The following BRAF variants were observed in gnomAD, a reference collection of about 807,000 sequenced individuals.
The protein encoded by BRAF is B-Raf proto-oncogene, serine/threonine kinase.
A neutral mutation model predicts 104.6 loss-of-function variants in BRAF; 16 were observed. The ratio of observed to expected loss-of-function variants is 0.15; its 90% CI spans 0.10 to 0.23. The LOEUF (loss-of-function observed/expected upper bound fraction) is 0.23, where lower values mean the gene tolerates loss of function less well. BRAF is among the 10% of genes least tolerant of loss of function. BRAF has a pLI of 1.00. For synonymous variants in BRAF, 310 were observed against 341.6 expected (o/e 0.91, Z 1.02); for missense variants, 541 against 937.3 (o/e 0.58, Z 5.52).
chr7:140,716,290 C>T (rs2130809682), downstream of BRAF, among the ~76,000 whole-genome samples: 1 of 152,268 alleles, frequency 6.6e-6, no homozygotes, highest in South Asian at 2.1e-4. Flanking sequence ...CATTTGCTTG[C>T]TATGAGTTTG....
intron 7 of BRAF, among the ~76,000 whole-genome samples, chr7:140,798,580 T>A (rs1178014373): frequency 5.7e-5 from 8 of 139,578 alleles, no homozygotes; most frequent in Non-Finnish European, 7.7e-5. Flanking sequence ...TTTTTTTTTT[T>A]AAAGCATGTG....
chr7:140,725,980 C>A lies in BRAF; in HGVS notation c.*514G>T. 1 of 1,066,800 alleles carries A rather than the reference C, an allele frequency of 9.4e-7. No individual in the cohort carries two copies. Among genetic ancestry groups the A allele is most frequent in the Non-Finnish European group, 1.1e-6 (1 of 880,490 alleles). The allele number at this position is 1,066,800 out of a possible 1,614,324, so 66.1% of individuals were successfully genotyped here. On this transcript the variant is annotated 3_prime_UTR_variant, in exon 20 of 20. Coordinates refer to ENST00000644969, the MANE Select transcript of BRAF (RefSeq NM_001374258.1). ...CGCACCACATAGAAAGGGCAAGCTG[C>A]ATTTTTGTTCCATCCCTCAGAAACT...
At chr7:140,855,951 G>C (rs1809731509) in intron 1 of BRAF, among the ~76,000 whole-genome samples, 1 of 151,892 alleles carries the variant, frequency 6.6e-6, no homozygotes, top group Non-Finnish European at 1.5e-5. Flanking sequence ...TTGGGAGATG[G>C]AGGGTGCAGT....
chr7:140,751,869 C>T (rs375216554), intron 16 of BRAF, among the ~76,000 whole-genome samples: 9 of 151,992 alleles, frequency 5.9e-5, no homozygotes, highest in South Asian at 2.1e-4. Context: ...GCAGGGTGCC[C>T]GAAAGTCTTA....
intron 3 of BRAF, among the ~76,000 whole-genome samples, chr7:140,825,903 T>C (rs1390397844): frequency 6.6e-6 from 1 of 152,206 alleles, no homozygotes; most frequent in Non-Finnish European, 1.5e-5. Flanking sequence ...AACTCAGAGA[T>C]TGTGCTTCCC....
At chr7:140,812,759 G>C (rs1171062548) in intron 3 of BRAF, among the ~76,000 whole-genome samples, 1 of 152,108 alleles carries the variant, frequency 6.6e-6, no homozygotes, top group South Asian at 2.1e-4. Context: ...GTGCGAATAA[G>C]ATAAAGGCAA....
Position 140,722,349 on chromosome 7 carries a change from C to G in BRAF, c.*4145G>C, listed in dbSNP as rs188324608. 1 of 1,054,842 alleles carries G rather than the reference C, an allele frequency of 9.5e-7. No individual in the cohort carries two copies. The highest frequency in any genetic ancestry group is 1.1e-6 in the Non-Finnish European group (1 of 872,770). 65.3% of individuals were successfully genotyped at this position (1,054,842 alleles called of 1,614,324 possible). On this transcript the variant is annotated 3_prime_UTR_variant, in exon 20 of 20. Coordinates refer to ENST00000644969, the MANE Select transcript of BRAF (RefSeq NM_001374258.1). ...TGCACTCTAAAAATTATTAACACAG[C>G]TGAGTTAAACCAGAGTGGCTGCTCT...
At chr7:140,749,123 G>T in intron 17 of BRAF, 164 bp downstream of exon 16, 2 of 774,396 alleles carry the variant, frequency 2.6e-6, no homozygotes, top group Non-Finnish European at 4.1e-6. Context: ...AGGACTTAAC[G>T]TGTTGCTATT....
chr7:140,809,051 A>G (rs895984110), intron 3 of BRAF, 56 bp from the exon 4 acceptor site: 4 of 1,416,024 alleles, frequency 2.8e-6, no homozygotes, highest in Non-Finnish European at 4.0e-6. Flanking sequence ...ACATTTTTTC[A>G]TATCATTAAA....
chr7:140,823,703 A>C (rs1805716885), intron 3 of BRAF: 1 of 152,152 alleles, frequency 6.6e-6, no homozygotes, highest in Admixed American at 6.5e-5. Flanking sequence ...ATTATATGGT[A>C]ATTCTATTTT....
downstream of BRAF, among the ~76,000 whole-genome samples, chr7:140,714,896 T>G (rs1271365808): frequency 6.6e-6 from 1 of 152,044 alleles, no homozygotes; most frequent in African/African-American, 2.4e-5. Flanking sequence ...GCGGAACAAG[T>G]AGGAGGAGCC....
At chr7:140,751,292 CAT>C (rs10585256) in intron 16 of BRAF, among the ~76,000 whole-genome samples, 14,805 of 152,168 alleles carry the variant, frequency 0.097, 779 homozygotes, top group South Asian at 0.19. Flanking sequence ...AACTCTCCCA[CAT>C]AGTCAAAAAT....
At chr7:140,748,574 T>C (rs1213856951) in intron 17 of BRAF, among the ~76,000 whole-genome samples, 1 of 152,148 alleles carries the variant, frequency 6.6e-6, no homozygotes, top group Non-Finnish European at 1.5e-5. Context: ...AGTGTAACTG[T>C]TGTAATCTCT....
At chr7:140,717,858 A>G (rs1353882711), downstream of BRAF, among the ~76,000 whole-genome samples, 1 of 152,108 alleles carries the variant, frequency 6.6e-6, no homozygotes, top group Non-Finnish European at 1.5e-5. Flanking sequence ...GAAGAGAAAA[A>G]CTGCAGTTCA....
rs1795403656 is a variant in BRAF at position 140,723,192 on chromosome 7, A to C, written c.*3302T>G. 1 of 1,054,742 alleles carries C rather than the reference A, an allele frequency of 9.5e-7. No homozygotes were observed. The highest frequency in any genetic ancestry group is 1.7e-5 in the African/African-American group (1 of 60,568). 65.3% of individuals were successfully genotyped at this position (1,054,742 alleles called of 1,614,324 possible). A position where few individuals can be genotyped will look rare whatever the true frequency, so the allele number is the denominator to read the frequency against. On this transcript the variant is annotated 3_prime_UTR_variant, in exon 20 of 20. Transcript: ENST00000644969. Reference sequence around the variant, plus strand: ...GTACAGTGGGGACAGGTGAGATCTGAGGAGGATGTGCAGCAGCTCGCACTC... The same window carrying C: ...GTACAGTGGGGACAGGTGAGATCTGCGGAGGATGTGCAGCAGCTCGCACTC...
Position 140,829,678 on chromosome 7 carries a change from GA to G in BRAF, c.504+4930del, listed in dbSNP as rs578212757. On this transcript the variant is annotated intron_variant, in intron 3 of 19. Transcript: ENST00000644969. Reference sequence around the variant, plus strand: ...CTTCTAGCCCTCAGTTTGCCAATGAGAAAACGATCCAGTTTTCATTCTCCCG... The same window carrying G: ...CTTCTAGCCCTCAGTTTGCCAATGAGAAACGATCCAGTTTTCATTCTCCCG... Among the ~76,000 whole-genome samples the G allele has an allele frequency of 1.1e-4, 16 of 152,228 alleles. No homozygotes were observed. In the South Asian group the frequency reaches 1.4e-3, roughly 14 times the overall value.
intron 1 of BRAF, among the ~76,000 whole-genome samples, chr7:140,891,005 A>T (rs1451232308): frequency 2.0e-5 from 3 of 152,198 alleles, no homozygotes; most frequent in Non-Finnish European, 4.4e-5. Context: ...CTAATTATAT[A>T]TCATATACCA....
At chr7:140,717,378 TCAAG>T (rs1169630735), downstream of BRAF, among the ~76,000 whole-genome samples, 1 of 151,320 alleles carries the variant, frequency 6.6e-6, no homozygotes, top group Admixed American at 6.6e-5. Flanking sequence ...CCTCCCAGGC[TCAAG>T]CAGTCTCCCC....
chr7:140,787,192 T>G (rs1340482949), intron 9 of BRAF, among the ~76,000 whole-genome samples: 1 of 149,708 alleles, frequency 6.7e-6, no homozygotes, highest in Non-Finnish European at 1.5e-5. Flanking sequence ...TCCCAGCTAC[T>G]CGGGAGGCTG....
Sources: gnomAD v4.1 joint callset for allele counts (sites outside exome capture counted in the v4.1 genomes callset) on GRCh38, gnomAD v4.1.1 for gene constraint, MANE v1.5 for transcripts, NCBI Gene and HGNC (gene_info 2026-07-23, HGNC 2026-07-21) for gene names.